Variants in RALGPS1 observed in about 807,000 individuals in gnomAD.
RALGPS1 encodes Ral GEF with PH domain and SH3 binding motif 1.
RALGPS1 carries 19 observed loss-of-function variants against 78.8 expected under a neutral mutation model. That is an observed-to-expected ratio of 0.24 (90% CI 0.17 to 0.35). The LOEUF is 0.35. RALGPS1 is among the 10% of genes least tolerant of loss of function. The probability of loss-of-function intolerance (pLI) is 1.00; values close to 1 mark genes in which losing one functional copy is unlikely to be tolerated. For synonymous variants in RALGPS1, 228 were observed against 256.3 expected, an observed-to-expected ratio of 0.89 and a Z score of 1.06; for missense variants, 454 against 688.3, an observed-to-expected ratio of 0.66 and a Z score of 3.81.
At chr9:127,011,429 T>C (rs1303963096) in intron 4 of RALGPS1, among the ~76,000 whole-genome samples, 1 of 152,152 alleles carries the variant, frequency 6.6e-6, no homozygotes, top group Non-Finnish European at 1.5e-5. Flanking sequence ...TCCGCCGCCT[T>C]GGACTCCCGT....
At chr9:126,971,518 ATAAT>A (rs941005962) in intron 3 of RALGPS1, among the ~76,000 whole-genome samples, 2 of 152,184 alleles carry the variant, frequency 1.3e-5, no homozygotes, top group African/African-American at 4.8e-5. Context: ...ATGGAACTAC[ATAAT>A]TAAGGAAAGA....
intron 7 of RALGPS1, among the ~76,000 whole-genome samples, 191 bp from the exon 8 acceptor site, chr9:127,069,037 CCA>C (rs2049954105): frequency 6.6e-6 from 1 of 152,144 alleles, no homozygotes; most frequent in Non-Finnish European, 1.5e-5. Flanking sequence ...TGTCCAAGCC[CCA>C]CCTCTGGAGT....
chr9:127,128,789 G>A (rs2056809334), intron 8 of RALGPS1, among the ~76,000 whole-genome samples: 2 of 152,208 alleles, frequency 1.3e-5, no homozygotes, highest in Non-Finnish European at 1.5e-5. Flanking sequence ...TTGGACTTGT[G>A]GGACGATTCT....
intron 18 of RALGPS1, chr9:127,217,323 A>G (rs2062639477): frequency 9.6e-7 from 1 of 1,039,312 alleles, no homozygotes; most frequent in Non-Finnish European, 1.2e-6. Flanking sequence ...ATGTAATAAT[A>G]AAAAGTTGAC....
At chr9:127,206,998 G>A (rs2061969771) in intron 14 of RALGPS1, among the ~76,000 whole-genome samples, 1 of 152,048 alleles carries the variant, frequency 6.6e-6, no homozygotes, top group Admixed American at 6.5e-5. Flanking sequence ...ATAAGGTGGG[G>A]ATAATAATAG....
At chr9:127,096,031 C>G (rs748736067) in intron 8 of RALGPS1, among the ~76,000 whole-genome samples, 21 of 152,280 alleles carry the variant, frequency 1.4e-4, no homozygotes, top group Non-Finnish European at 2.5e-4. Context: ...CACCCATTTA[C>G]CTTTTTGCCA....
chr9:127,106,676 G>A (rs1444629145), intron 8 of RALGPS1, among the ~76,000 whole-genome samples: 1 of 152,160 alleles, frequency 6.6e-6, no homozygotes, highest in Non-Finnish European at 1.5e-5. Flanking sequence ...TTTCCTTTGA[G>A]GTGCTGCAGT....
At position 127,122,681 on chromosome 9, in the gene RALGPS1, CTG is replaced by C. The variant is rs897191595; in HGVS notation, c.611-43385_611-43384del. On this transcript the variant is annotated intron_variant, in intron 8 of 18. Transcript: ENST00000259351. The surrounding 1 kb of genome is among the most constrained non-coding windows in gnomAD (Gnocchi z 6.4). Reference sequence around the variant, plus strand: ...AGCCTTTACATGCCGCCAGAGGAAACTGTGAGCACAGCCTGACCCTGGTTGGC... The same window carrying C: ...AGCCTTTACATGCCGCCAGAGGAAACTGAGCACAGCCTGACCCTGGTTGGC... 1 of 152,822 alleles carries C rather than the reference CTG, an allele frequency of 6.5e-6. No individual in the cohort carries two copies. The highest frequency in any genetic ancestry group is 2.4e-5 in the African/African-American group (1 of 41,482). The allele number at this position is 152,822 out of a possible 1,614,324, so 9.5% of individuals were successfully genotyped here. A position where few individuals can be genotyped will look rare whatever the true frequency, so the allele number is the denominator to read the frequency against.
intron 3 of RALGPS1, among the ~76,000 whole-genome samples, chr9:126,976,286 A>C (rs1303333428): frequency 2.0e-5 from 3 of 150,586 alleles, no homozygotes; most frequent in African/African-American, 7.3e-5. Context: ...TGACACACAC[A>C]CACCCCCTTA....
intron 8 of RALGPS1, among the ~76,000 whole-genome samples, chr9:127,071,483 A>G (rs2050197695): frequency 6.6e-6 from 1 of 152,224 alleles, no homozygotes; most frequent in African/African-American, 2.4e-5. Context: ...ACATAATGAA[A>G]TATGGACTTT....
intron 1 of RALGPS1, among the ~76,000 whole-genome samples, chr9:126,940,643 G>A (rs778721217): frequency 6.6e-5 from 10 of 151,944 alleles, no homozygotes; most frequent in Admixed American, 3.3e-4. Context: ...GGGTTTTGTC[G>A]TGTTAGCCAG....
intron 4 of RALGPS1, among the ~76,000 whole-genome samples, chr9:127,003,889 T>C (rs1456825272): frequency 3.9e-5 from 6 of 152,164 alleles, no homozygotes; most frequent in Admixed American, 3.3e-4. Context: ...GTCCAGCATC[T>C]CTGTCAGCAC....
intron 4 of RALGPS1, 35 bp from the exon 5 acceptor site, chr9:127,034,396 A>G: frequency 1.9e-6 from 3 of 1,586,286 alleles, no homozygotes; most frequent in Middle Eastern, 1.7e-4. Context: ...CATCCCAACT[A>G]GAATCACTGT....
At chr9:127,182,145 C>T (rs1156608011) in intron 11 of RALGPS1, among the ~76,000 whole-genome samples, 5 of 149,650 alleles carry the variant, frequency 3.3e-5, no homozygotes, top group Non-Finnish European at 7.4e-5. Flanking sequence ...AGTTTGAGAC[C>T]GGCCTGAGCA....
intron 10 of RALGPS1, among the ~76,000 whole-genome samples, chr9:127,169,768 G>A (rs995940774): frequency 3.3e-5 from 5 of 152,026 alleles, no homozygotes; most frequent in Non-Finnish European, 7.4e-5. Flanking sequence ...TTTTCAGCAC[G>A]GTATTTAATA....
chr9:127,107,086 G>A (rs1393964761), intron 8 of RALGPS1: 1 of 152,254 alleles, frequency 6.6e-6, no homozygotes. Flanking sequence ...GCTTCTTCCA[G>A]AAATGATGAT....
chr9:126,917,803 C>A (rs1398797581), intron 1 of RALGPS1, among the ~76,000 whole-genome samples: 2 of 152,154 alleles, frequency 1.3e-5, no homozygotes, highest in African/African-American at 2.4e-5. Flanking sequence ...TTTTATGTAA[C>A]CTTGAACAAA....
At chr9:127,135,689 C>G (rs2057344637) in intron 8 of RALGPS1, among the ~76,000 whole-genome samples, 1 of 152,166 alleles carries the variant, frequency 6.6e-6, no homozygotes, top group Non-Finnish European at 1.5e-5. Context: ...GGGTCCCAAG[C>G]CAGGCTCTGC....
intron 8 of RALGPS1, 78 bp downstream of exon 8, chr9:127,069,434 GA>G: frequency 6.5e-7 from 1 of 1,547,260 alleles, no homozygotes. Flanking sequence ...GTTTCTACCT[GA>G]AAAATTTCCA....
Sources: allele counts gnomAD v4.1 joint callset (sites outside exome capture counted in the v4.1 genomes callset), GRCh38; gene constraint gnomAD v4.1.1; non-coding constraint Gnocchi (gnomAD v3.1); transcripts MANE v1.5; gene names NCBI Gene and HGNC (gene_info 2026-07-23, HGNC 2026-07-21).